FERMT3: variants seen among roughly 807,000 people sequenced by gnomAD.
FERMT3 encodes the protein FERM domain containing kindlin 3, also known as fermitin family homolog 3.
Under a neutral mutation model 80.8 loss-of-function variants are expected in FERMT3, and 33 were observed. That is an observed-to-expected ratio of 0.41 (90% confidence interval 0.31 to 0.55). FERMT3 has a LOEUF of 0.55. Ranked by LOEUF, FERMT3 falls within the 20% of genes least tolerant of loss-of-function variation. FERMT3 has a pLI of 0.31. For synonymous variants in FERMT3, 375 were observed against 372.2 expected, an observed-to-expected ratio of 1.01 and a Z score of -0.09; for missense variants, 754 against 908.7, an observed-to-expected ratio of 0.83 and a Z score of 2.19.
At chr11:64,221,547 CTT>C (rs974146526) in intron 13 of FERMT3, among the ~76,000 whole-genome samples, 3 of 152,172 alleles carry the variant, frequency 2.0e-5, no homozygotes, top group African/African-American at 7.2e-5. Flanking sequence ...GGGAGGATCT[CTT>C]GAGCCTGGGA....
At chr11:64,213,133 G>A (rs1031003116) in intron 6 of FERMT3, among the ~76,000 whole-genome samples, 1 of 151,230 alleles carries the variant, frequency 6.6e-6, no homozygotes. Flanking sequence ...TCGGCTCACT[G>A]CAACCTCTTC....
At position 64,220,015 on chromosome 11, in the gene FERMT3, G is replaced by A; in HGVS notation, c.1204G>A (p.Gly402Ser). The A allele has an allele frequency of 6.2e-7, 1 of 1,613,576 alleles. No homozygotes were observed. The highest frequency in any genetic ancestry group is 8.5e-7 in the Non-Finnish European group (1 of 1,179,958). The change falls in exon 10 of 15, where the codon GGC becomes AGC. Residue 402 changes from glycine to serine, a missense_variant and splice_region_variant. By Grantham distance (56) the Gly-to-Ser change is moderately conservative. Coordinates refer to ENST00000345728, the MANE Select transcript of FERMT3 (RefSeq NM_031471.6). Reference sequence around the variant, plus strand: ...CCCCATTCAGCAGCTCAACCTCAAGGGTAAGTGCACAGGGCCAGGGGCTGG... The same window carrying A: ...CCCCATTCAGCAGCTCAACCTCAAGAGTAAGTGCACAGGGCCAGGGGCTGG... ...GDPIQQLNLK[G>S]CEVVPDVNVS...
Position 64,210,979 on chromosome 11 carries a change from C to T in FERMT3, c.395-73C>T, listed in dbSNP as rs956109330. The T allele has an allele frequency of 1.2e-6, 2 of 1,608,136 alleles. No homozygotes were observed. Among genetic ancestry groups the T allele is most frequent in the Non-Finnish European group, 1.7e-6 (2 of 1,177,638 alleles). On this transcript the variant is annotated intron_variant, in intron 3 of 14. Coordinates refer to ENST00000345728, the MANE Select transcript of FERMT3 (RefSeq NM_031471.6). The surrounding 1 kb of genome is among the most constrained non-coding windows in gnomAD (Gnocchi z 4.3). ...CCCTGCCTGCAGGGCTGTGACCCGC[C>T]CCAAGCACCCATGGGTGAGGTGGGG...
At chr11:64,220,109 C>G in intron 10 of FERMT3, 94 bp downstream of exon 10, 2 of 1,575,682 alleles carry the variant, frequency 1.3e-6, no homozygotes, top group South Asian at 1.1e-5. Flanking sequence ...TCCTGGAGAC[C>G]GGGGAAGATG....
chr11:64,218,573 G>A (rs1946602729), intron 6 of FERMT3, among the ~76,000 whole-genome samples: 1 of 152,242 alleles, frequency 6.6e-6, no homozygotes, highest in African/African-American at 2.4e-5. Flanking sequence ...CCAAAGTGCT[G>A]GGATTACAGG....
At chr11:64,214,402 A>G (rs1372949118) in intron 6 of FERMT3, among the ~76,000 whole-genome samples, 1 of 151,972 alleles carries the variant, frequency 6.6e-6, no homozygotes. Context: ...CTAGAGTGCA[A>G]TGGTGTGATC....
rs147987989 is a variant in FERMT3 at position 64,207,391 on chromosome 11, G to A, written c.27G>A (p.Gly9=). The change falls in exon 2 of 15, where the codon GGG becomes GGA. Residue 9 remains glycine, a synonymous_variant. Coordinates refer to ENST00000345728, the MANE Select transcript of FERMT3 (RefSeq NM_031471.6). MAGMKTAS[G]DYIDSSWELR... ...TGGCGGGGATGAAGACAGCCTCCGG[G>A]GACTACATCGACTCGTCATGGGAGC... 5.6e-6 allele frequency: 9 copies of A among 1,614,068 alleles called. No homozygotes were observed. In the African/African-American group the frequency reaches 1.1e-4, roughly 19 times the overall value.
intron 1 of FERMT3, 142 bp from the exon 2 acceptor site, chr11:64,207,209 G>C (rs144200278): frequency 1.1e-6 from 1 of 895,530 alleles, no homozygotes; most frequent in East Asian, 2.6e-5. Context: ...TACCACGGGC[G>C]TGCTGGCCTG....
At chr11:64,212,471 A>T (rs1946463598) in intron 6 of FERMT3, among the ~76,000 whole-genome samples, 1 of 151,982 alleles carries the variant, frequency 6.6e-6, no homozygotes. Context: ...GCTATTCTAT[A>T]TATTTTGACA....
intron 2 of FERMT3, among the ~76,000 whole-genome samples, chr11:64,209,145 T>C (rs981068967): frequency 5.3e-5 from 8 of 151,766 alleles, no homozygotes; most frequent in African/African-American, 1.9e-4. Context: ...TGAGAGGTGG[T>C]GTAGGGAGCT....
Position 64,223,549 on chromosome 11 carries a change from C to G in FERMT3, c.*57C>G. 1.3e-6 allele frequency: 2 copies of G among 1,556,696 alleles called. No individual in the cohort carries two copies. The highest frequency in any genetic ancestry group is 1.7e-6 in the Non-Finnish European group (2 of 1,154,528). ...ACCCTGTCACAGCCACTCCCAAGCC[C>G]ACACCCACAGGGGCTCACTGCCCCA... On this transcript the variant is annotated 3_prime_UTR_variant, in exon 15 of 15. Transcript: ENST00000345728.
At chr11:64,221,849 C>A (rs761264101) in intron 13 of FERMT3, among the ~76,000 whole-genome samples, 2 of 151,946 alleles carry the variant, frequency 1.3e-5, no homozygotes, top group Non-Finnish European at 2.9e-5. Flanking sequence ...ATCCCTTGAA[C>A]CCAGGAGGCA....
At chr11:64,222,977 G>A (rs1946746509) in intron 13 of FERMT3, 71 bp from the exon 14 acceptor site, 7 of 1,599,308 alleles carry the variant, frequency 4.4e-6, no homozygotes, top group African/African-American at 1.3e-5. Context: ...CCAGCACGGC[G>A]CCACATTGTC....
intron 1 of FERMT3, 45 bp from the exon 2 acceptor site, chr11:64,207,306 C>T (rs1946332340): frequency 6.2e-7 from 1 of 1,612,414 alleles, no homozygotes; most frequent in Non-Finnish European, 8.5e-7. Context: ...AACCCGGAGG[C>T]CTACCAGGGC....
chr11:64,210,534 T>C lies in FERMT3; in HGVS notation c.161-77T>C, dbSNP rs1946412721. The C allele has an allele frequency of 3.4e-6, 5 of 1,462,052 alleles. No individual in the cohort carries two copies. The South Asian group carries it at 4.6e-5, about 14-fold the overall frequency. 90.6% of individuals were successfully genotyped at this position (1,462,052 alleles called of 1,614,324 possible). On this transcript the variant is annotated intron_variant, in intron 2 of 14. Coordinates refer to ENST00000345728, the MANE Select transcript of FERMT3 (RefSeq NM_031471.6). This position sits in a 1 kb window ranked among gnomAD's most constrained non-coding sequence, Gnocchi z 4.3. ...CAGGGGAGTGGTCGCCCCAGGCTTC[T>C]GAATCCTGGGGTTGTGCTGGGTGTT...
intron 2 of FERMT3, among the ~76,000 whole-genome samples, chr11:64,208,875 T>C (rs1946375999): frequency 6.6e-6 from 1 of 152,000 alleles, no homozygotes. Flanking sequence ...GACTTTCTTC[T>C]GGAGGGGAAG....
chr11:64,214,783 T>C (rs988501450), intron 6 of FERMT3, among the ~76,000 whole-genome samples: 3 of 151,932 alleles, frequency 2.0e-5, no homozygotes, highest in African/African-American at 7.2e-5. Context: ...AGAGCTCTTG[T>C]TTTTTGAGTG....
chr11:64,221,137 T>A lies in FERMT3; in HGVS notation c.1667T>A (p.Val556Asp). ...LPDFGISYVMVRFKGSRKDEI... is the reference protein window; with the variant it reads ...LPDFGISYVMDRFKGSRKDEI... ...GACTTCGGCATCTCCTATGTCATGG[T>A]CAGGTATGGCCCCTGGCCCAGCCCC... The change falls in exon 13 of 15, where the codon GTC (valine) becomes GAC (aspartate). Residue 556 changes from valine to aspartate, a missense_variant. Val to Asp is a radical substitution (Grantham distance 152). Coordinates refer to ENST00000345728, the MANE Select transcript of FERMT3 (RefSeq NM_031471.6). 6.2e-7 allele frequency: 1 copy of A among 1,608,756 alleles called. No homozygotes were observed. The highest frequency in any genetic ancestry group is 8.5e-7 in the Non-Finnish European group (1 of 1,179,926).
In FERMT3 at chr11:64,223,749, C is replaced by T. The variant is rs1946782308; in HGVS notation, c.*257C>T. On this transcript the variant is annotated 3_prime_UTR_variant, in exon 15 of 15. Coordinates refer to ENST00000345728, the MANE Select transcript of FERMT3 (RefSeq NM_031471.6). ...CTTGTCTGAGTGGCTGAGGCTGATACCCCTGACCTATCTGCAGTCCCCCAG... is the reference window on the plus strand; with the variant it reads ...CTTGTCTGAGTGGCTGAGGCTGATATCCCTGACCTATCTGCAGTCCCCCAG... 3.8e-6 allele frequency: 3 copies of T among 791,244 alleles called. No individual in the cohort carries two copies. In the Admixed American group the frequency reaches 7.7e-5, roughly 20 times the overall value. The allele number at this position is 791,244 out of a possible 1,614,324, so 49.0% of individuals were successfully genotyped here. A position where few individuals can be genotyped will look rare whatever the true frequency, so the allele number is the denominator to read the frequency against.
Sources: allele counts gnomAD v4.1 joint callset (sites outside exome capture counted in the v4.1 genomes callset), GRCh38; gene constraint gnomAD v4.1.1; non-coding constraint Gnocchi (gnomAD v3.1); transcripts MANE v1.5; gene names NCBI Gene and HGNC (gene_info 2026-07-23, HGNC 2026-07-21).